The following TRIM56 variants were observed in gnomAD, a reference collection of about 807,000 sequenced individuals.
TRIM56 encodes E3 ubiquitin-protein ligase TRIM56.
TRIM56 carries 10 observed loss-of-function variants against 17.1 expected under a neutral mutation model. That is an observed-to-expected ratio of 0.58 (90% CI 0.36 to 0.99). TRIM56 has a LOEUF of 0.99. Ranked by LOEUF, TRIM56 falls within the 50% of genes least tolerant of loss-of-function variation. TRIM56 has a pLI of 0.01. For missense variants in TRIM56, 923 were observed against 1,052.3 expected, an observed-to-expected ratio of 0.88 and a Z score of 1.70; for synonymous variants, 503 against 473.5, an observed-to-expected ratio of 1.06 and a Z score of -0.81.
At position 101,088,093 on chromosome 7, in the gene TRIM56, G is replaced by T. The variant is rs1050546199; in HGVS notation, c.781G>T (p.Gly261Cys). 2.6e-6 allele frequency: 4 copies of T among 1,511,668 alleles called. No individual in the cohort carries two copies. The highest frequency in any genetic ancestry group is 1.4e-5 in the African/African-American group (1 of 72,702). 93.6% of individuals were successfully genotyped at this position (1,511,668 alleles called of 1,614,324 possible). A position where few individuals can be genotyped will look rare whatever the true frequency, so the allele number is the denominator to read the frequency against. Residue 261 changes from glycine (G) to cysteine (C), a missense_variant, in exon 3 of 3, where the codon GGC (glycine) becomes TGC (cysteine). This residue lies in a region of TRIM56 where 643 missense variants were observed against 665.6 expected (regional missense o/e 0.97). Transcript: ENST00000306085. ...VGTQVEEAAE[G>C]VLRALLAQKQ... ...GACTCAGGTGGAGGAGGCGGCTGAG[G>T]GCGTCCTCCGGGCCCTGCTGGCCCA...
chr7:101,085,954 G>C (rs1795441069), intron 1 of TRIM56, among the ~76,000 whole-genome samples: 1 of 152,202 alleles, frequency 6.6e-6, no homozygotes, highest in Non-Finnish European at 1.5e-5. Context: ...GATAAGCCAA[G>C]GCCAAGTCTA....
In TRIM56 at chr7:101,091,891, G is replaced by C; in HGVS notation, c.*2311G>C. On this transcript the variant is annotated 3_prime_UTR_variant, in exon 3 of 3. Coordinates refer to ENST00000306085, the MANE Select transcript of TRIM56 (RefSeq NM_030961.3). ...TCGGCTCACTGCAACCTCCCTGCCT[G>C]ATTCTCCTGCCTCAGCCTGCCGAGT... 3.1e-6 allele frequency: 1 copy of C among 320,970 alleles called. No individual in the cohort carries two copies. The highest frequency in any genetic ancestry group is 6.2e-6 in the Non-Finnish European group (1 of 162,392). The allele number at this position is 320,970 out of a possible 1,614,324, so 19.9% of individuals were successfully genotyped here.
chr7:101,090,771 G>A lies in TRIM56; in HGVS notation c.*1191G>A, dbSNP rs984102259. Reference sequence around the variant, plus strand: ...GCAGGGGAGCCCTCCACGCAGCCACGGAGCCAGTCTGAGGGAAGAGGTACA... The same window carrying A: ...GCAGGGGAGCCCTCCACGCAGCCACAGAGCCAGTCTGAGGGAAGAGGTACA... On this transcript the variant is annotated 3_prime_UTR_variant, in exon 3 of 3. Transcript: ENST00000306085. 4 of 152,106 alleles carry A rather than the reference G, an allele frequency of 2.6e-5. No homozygotes were observed. Among genetic ancestry groups the A allele is most frequent in the Non-Finnish European group, 4.4e-5 (3 of 68,056 alleles). The allele number at this position is 152,106 out of a possible 1,614,324, so 9.4% of individuals were successfully genotyped here.
chr7:101,089,473 G>C lies in TRIM56; in HGVS notation c.2161G>C (p.Gly721Arg), dbSNP rs200743261. 1 of 1,614,242 alleles carries C rather than the reference G, an allele frequency of 6.2e-7. No homozygotes were observed. Among genetic ancestry groups the C allele is most frequent in the African/African-American group, 1.3e-5 (1 of 75,062 alleles). The change falls in exon 3 of 3, where the codon GGC (glycine) becomes CGC (arginine). Residue 721 changes from glycine (G) to arginine (R), a missense_variant. Coordinates refer to ENST00000306085, the MANE Select transcript of TRIM56 (RefSeq NM_030961.3). ...LLGDFLTAYH[G>R]LEKPRVTTMV... ...TGGAGACTTCCTGACAGCCTACCAC[G>C]GCCTGGAAAAGCCCCGGGTTACCAC...
At position 101,091,711 on chromosome 7, in the gene TRIM56, G is replaced by C. The variant is rs1460622460; in HGVS notation, c.*2131G>C. On this transcript the variant is annotated 3_prime_UTR_variant, in exon 3 of 3. Coordinates refer to ENST00000306085, the MANE Select transcript of TRIM56 (RefSeq NM_030961.3). ...CATTGCACTCCAGCCTGGGTAACAA[G>C]AATGAAACTCCATCTCAAAAAAAAA... is the stretch of plus-strand genomic sequence containing the variant. 2.2e-6 allele frequency: 1 copy of C among 449,516 alleles called. No homozygotes were observed. Among genetic ancestry groups the C allele is most frequent in the South Asian group, 1.6e-5 (1 of 64,022 alleles). The allele number at this position is 449,516 out of a possible 1,614,324, so 27.8% of individuals were successfully genotyped here. A position where few individuals can be genotyped will look rare whatever the true frequency, so the allele number is the denominator to read the frequency against.
In TRIM56 at chr7:101,095,286, A is replaced by G. The variant is rs1795638754; in HGVS notation, c.*5706A>G. On this transcript the variant is annotated 3_prime_UTR_variant, in exon 3 of 3. Coordinates refer to ENST00000306085, the MANE Select transcript of TRIM56 (RefSeq NM_030961.3). ...GCTGCTCGGGAGGCTGAGGCAGAAG[A>G]TTGCTCGAGCCCAGGAGTTCAAGGC... 6.6e-6 allele frequency: 1 copy of G among 152,174 alleles called. No homozygotes were observed. Among genetic ancestry groups the G allele is most frequent in the Non-Finnish European group, 1.5e-5 (1 of 68,116 alleles). The allele number at this position is 152,174 out of a possible 1,614,324, so 9.4% of individuals were successfully genotyped here. A position where few individuals can be genotyped will look rare whatever the true frequency, so the allele number is the denominator to read the frequency against.
At position 101,096,670 on chromosome 7, in the gene TRIM56, G is replaced by T. The variant is rs1187514829; in HGVS notation, c.*7090G>T. 1.3e-5 allele frequency: 2 copies of T among 152,204 alleles called. No individual in the cohort carries two copies. The highest frequency in any genetic ancestry group is 2.9e-5 in the Non-Finnish European group (2 of 68,050). 9.4% of individuals were successfully genotyped at this position (152,204 alleles called of 1,614,324 possible). ...GGTTAGGAAAAGTTTCAACTGACTT[G>T]TACCCACCTGATACCCCTCCATCAG... is the stretch of plus-strand genomic sequence containing the variant. On this transcript the variant is annotated 3_prime_UTR_variant, in exon 3 of 3. Coordinates refer to ENST00000306085, the MANE Select transcript of TRIM56 (RefSeq NM_030961.3).
rs1190302289 is a variant in TRIM56, at chr7:101,090,629, A to C, written c.*1049A>C. 20 of 125,550 alleles carry C rather than the reference A, an allele frequency of 1.6e-4. No homozygotes were observed. The highest frequency in any genetic ancestry group is 8.0e-5 in the Admixed American group (1 of 12,500). The allele number at this position is 125,550 out of a possible 1,614,324, so 7.8% of individuals were successfully genotyped here. A position where few individuals can be genotyped will look rare whatever the true frequency, so the allele number is the denominator to read the frequency against. ...TCGAAAAAAAAAAAAAAAAAAAAAA[A>C]CAGAAACAACAGAAAAAGCAGGTTA... On this transcript the variant is annotated 3_prime_UTR_variant, in exon 3 of 3. Coordinates refer to ENST00000306085, the MANE Select transcript of TRIM56 (RefSeq NM_030961.3).
Position 101,088,564 on chromosome 7 carries a change from A to C in TRIM56, c.1252A>C (p.Thr418Pro). 6.2e-7 allele frequency: 1 copy of C among 1,609,856 alleles called. No homozygotes were observed. The highest frequency in any genetic ancestry group is 8.5e-7 in the Non-Finnish European group (1 of 1,176,732). Residue 418 changes from threonine to proline, a missense_variant, in exon 3 of 3, where the codon ACC becomes CCC. Thr to Pro is a conservative substitution (Grantham distance 38, BLOSUM62 -1). This residue lies in a region of TRIM56 where 643 missense variants were observed against 665.6 expected (regional missense o/e 0.97). Transcript: ENST00000306085. ...GCCCCAGGCTGGAGATGGAGCCCAG[A>C]CCCCAAAAGAGGAAAAAGCCCAGAC... ...VQPQAGDGAQ[T>P]PKEEKAQTTR...
chr7:101,086,970 T>G, intron 1 of TRIM56, 36 bp from the exon 2 acceptor site: 12 of 251,014 alleles, frequency 4.8e-5, no homozygotes, highest in East Asian at 1.9e-4. Context: ...GAGGATTCGA[T>G]TATTAGCTAA....
Position 101,093,437 on chromosome 7 carries a change from A to G in TRIM56, c.*3857A>G, listed in dbSNP as rs1174604431. On this transcript the variant is annotated 3_prime_UTR_variant, in exon 3 of 3. Coordinates refer to ENST00000306085, the MANE Select transcript of TRIM56 (RefSeq NM_030961.3). Reference sequence around the variant, plus strand: ...TTGGTCTCTAATACATGCAATGACTAGAACAGTATTTGGTCAAAGAACCAC... The same window carrying G: ...TTGGTCTCTAATACATGCAATGACTGGAACAGTATTTGGTCAAAGAACCAC... 6.6e-6 allele frequency: 1 copy of G among 151,934 alleles called. No homozygotes were observed. The highest frequency in any genetic ancestry group is 1.5e-5 in the Non-Finnish European group (1 of 68,124). The allele number at this position is 151,934 out of a possible 1,614,324, so 9.4% of individuals were successfully genotyped here.
rs1298591593 is a variant in TRIM56 at position 101,091,527 on chromosome 7, G to C, written c.*1947G>C. 9.5e-6 allele frequency: 3 copies of C among 315,890 alleles called. No homozygotes were observed. The allele number at this position is 315,890 out of a possible 1,614,324, so 19.6% of individuals were successfully genotyped here. The stretch of plus-strand genomic sequence containing the variant: ...GGATCACTCAAGGTCAGGAGTTCGA[G>C]ACCAGCCTGGCCAACATGGAGAAAC... On this transcript the variant is annotated 3_prime_UTR_variant, in exon 3 of 3. Coordinates refer to ENST00000306085, the MANE Select transcript of TRIM56 (RefSeq NM_030961.3).
intron 2 of TRIM56, 23 bp downstream of exon 2, chr7:101,087,191 G>A (rs1174090594): frequency 4.7e-5 from 43 of 923,290 alleles, no homozygotes; most frequent in Non-Finnish European, 4.0e-5. Context: ...GTTCCTTCCC[G>A]GCCATTTGGG....
Position 101,091,739 on chromosome 7 carries a change from AAAAG to A in TRIM56, c.*2163_*2166del, listed in dbSNP as rs765774973. 4 of 439,980 alleles carry A rather than the reference AAAAG, an allele frequency of 9.1e-6. No individual in the cohort carries two copies. Among genetic ancestry groups the A allele is most frequent in the Admixed American group, 2.5e-5 (1 of 40,608 alleles). The allele number at this position is 439,980 out of a possible 1,614,324, so 27.3% of individuals were successfully genotyped here. A position where few individuals can be genotyped will look rare whatever the true frequency, so the allele number is the denominator to read the frequency against. ...TGAAACTCCATCTCAAAAAAAAAGA[AAAAG>A]AAAAGAAAGAAAACCAAGGTCCCTC... On this transcript the variant is annotated 3_prime_UTR_variant, in exon 3 of 3. Transcript: ENST00000306085.
rs548123222 is a variant in TRIM56 at position 101,092,120 on chromosome 7, C to T, written c.*2540C>T. Reference sequence around the variant, plus strand: ...TGTTGCCCAGGCTGGAGTGCAGTGTCGTGATCTCGGCTAGCTACAACCTCC... The same window carrying T: ...TGTTGCCCAGGCTGGAGTGCAGTGTTGTGATCTCGGCTAGCTACAACCTCC... On this transcript the variant is annotated 3_prime_UTR_variant, in exon 3 of 3. Coordinates refer to ENST00000306085, the MANE Select transcript of TRIM56 (RefSeq NM_030961.3). 1.2e-4 allele frequency: 33 copies of T among 265,068 alleles called. No individual in the cohort carries two copies. The highest frequency in any genetic ancestry group is 1.1e-3 in the South Asian group (33 of 29,676). The allele number at this position is 265,068 out of a possible 1,614,324, so 16.4% of individuals were successfully genotyped here. A position where few individuals can be genotyped will look rare whatever the true frequency, so the allele number is the denominator to read the frequency against.
In TRIM56 at chr7:101,095,645, A is replaced by G. The variant is rs1326052063; in HGVS notation, c.*6065A>G. On this transcript the variant is annotated 3_prime_UTR_variant, in exon 3 of 3. Coordinates refer to ENST00000306085, the MANE Select transcript of TRIM56 (RefSeq NM_030961.3). ...AGATAGTCCCACAGGCGCCCTAGAG[A>G]TGGGGATGCCAAGTGGCTTCTCGGG... is the stretch of plus-strand genomic sequence containing the variant. 6.6e-6 allele frequency: 1 copy of G among 152,148 alleles called. No homozygotes were observed. Among genetic ancestry groups the G allele is most frequent in the African/African-American group, 2.4e-5 (1 of 41,432 alleles). 9.4% of individuals were successfully genotyped at this position (152,148 alleles called of 1,614,324 possible).
At position 101,089,264 on chromosome 7, in the gene TRIM56, C is replaced by T; in HGVS notation, c.1952C>T (p.Ser651Leu). ...AGCCCCCAGGGGCATTTCGTGGGGT[C>T]GGACTGGCAGCAGAATAGTGTGGTA... is the stretch of plus-strand genomic sequence containing the variant. ...TTSPQGHFVG[S>L]DWQQNSVVIC... Residue 651 changes from serine (S) to leucine (L), a missense_variant, in exon 3 of 3, where the codon TCG becomes TTG. Transcript: ENST00000306085. 6 of 1,611,280 alleles carry T rather than the reference C, an allele frequency of 3.7e-6. No homozygotes were observed. The highest frequency in any genetic ancestry group is 2.2e-5 in the East Asian group (1 of 44,782).
In TRIM56 at chr7:101,095,035, C is replaced by T. The variant is rs955563150; in HGVS notation, c.*5455C>T. 2 of 147,066 alleles carry T rather than the reference C, an allele frequency of 1.4e-5. No individual in the cohort carries two copies. Among genetic ancestry groups the T allele is most frequent in the East Asian group, 2.0e-4 (1 of 5,014 alleles). The allele number at this position is 147,066 out of a possible 1,614,324, so 9.1% of individuals were successfully genotyped here. On this transcript the variant is annotated 3_prime_UTR_variant, in exon 3 of 3. Transcript: ENST00000306085. ...AGTAGGGGGCACTGTGGACACGGTT[C>T]GCATCTGCCTCCCAAGGCTGGGCTC... is the stretch of plus-strand genomic sequence containing the variant.
rs1417167805 is a variant in TRIM56 at position 101,090,619 on chromosome 7, A to C, written c.*1039A>C. On this transcript the variant is annotated 3_prime_UTR_variant, in exon 3 of 3. Transcript: ENST00000306085. The stretch of plus-strand genomic sequence containing the variant: ...AGACCCCATCTCGAAAAAAAAAAAA[A>C]AAAAAAAAAACAGAAACAACAGAAA... The C allele has an allele frequency of 6.0e-5, 9 of 150,200 alleles. No homozygotes were observed. Among genetic ancestry groups the C allele is most frequent in the African/African-American group, 1.7e-4 (7 of 40,538 alleles). The allele number at this position is 150,200 out of a possible 1,614,324, so 9.3% of individuals were successfully genotyped here.
Sources: gnomAD v4.1 joint callset for allele counts (sites outside exome capture counted in the v4.1 genomes callset) on GRCh38, gnomAD v4.1.1 for gene constraint, gnomAD v4.1.1 regional missense constraint, MANE v1.5 for transcripts, NCBI Gene and HGNC (gene_info 2026-07-23, HGNC 2026-07-21) for gene names.